Variants in B4GALNT3 observed in about 807,000 individuals in gnomAD.
The protein encoded by B4GALNT3 is beta-1,4-N-acetylgalactosaminyltransferase 3.
Under a neutral mutation model 120.2 loss-of-function variants are expected in B4GALNT3, and 86 were observed. The ratio of observed to expected loss-of-function variants is 0.72; its 90% CI spans 0.60 to 0.86. The LOEUF (loss-of-function observed/expected upper bound fraction) is 0.86. Among genes scored for constraint, B4GALNT3 ranks in the 40% least tolerant of loss-of-function variants. B4GALNT3 has a pLI of 0.00. For missense variants in B4GALNT3, 1,167 were observed against 1,298.9 expected (o/e 0.90, Z 1.56); for synonymous variants, 518 against 510.4 (o/e 1.01, Z -0.20).
At position 561,379 on chromosome 12, in the gene B4GALNT3, C is replaced by T. The variant is rs1488137283; in HGVS notation, c.2925C>T (p.Ser975=). The change falls in exon 20 of 20, where the codon TCC becomes TCT. Residue 975 remains serine, a synonymous_variant. Coordinates refer to ENST00000266383, the MANE Select transcript of B4GALNT3 (RefSeq NM_173593.4). ...LQAGLDVERL[S]LRNFFHHFHS... ...CGGGCCTGGACGTGGAGCGTCTCTC[C>T]CTCAGGAATTTCTTCCATCATTTCC... 3.7e-6 allele frequency: 6 copies of T among 1,613,986 alleles called. No individual in the cohort carries two copies. Among genetic ancestry groups the T allele is most frequent in the South Asian group, 1.1e-5 (1 of 91,086 alleles).
chr12:522,276 A>G (rs766048838), intron 1 of B4GALNT3, among the ~76,000 whole-genome samples: 1 of 152,268 alleles, frequency 6.6e-6, no homozygotes, highest in Non-Finnish European at 1.5e-5. Context: ...TGTCTAAGAC[A>G]GACGAATGGA....
intron 1 of B4GALNT3, among the ~76,000 whole-genome samples, chr12:510,978 C>T (rs576648070): frequency 1.4e-5 from 2 of 146,860 alleles, no homozygotes; most frequent in Non-Finnish European, 3.0e-5. Context: ...ACTGGAACCA[C>T]GACTCTCCTT....
intron 1 of B4GALNT3, among the ~76,000 whole-genome samples, chr12:503,676 T>C (rs904217456): frequency 2.0e-5 from 3 of 152,184 alleles, no homozygotes; most frequent in Non-Finnish European, 2.9e-5. Flanking sequence ...ACCATACAGA[T>C]AAGCTCGTGA....
At chr12:545,027 A>G in intron 5 of B4GALNT3, 55 bp downstream of exon 5, 1 of 1,590,798 alleles carries the variant, frequency 6.3e-7, no homozygotes, top group Admixed American at 1.7e-5. Flanking sequence ...TCTGCATCGG[A>G]CCCAAAGAAC....
At chr12:535,736 A>G (rs984025231) in intron 2 of B4GALNT3, among the ~76,000 whole-genome samples, 2 of 152,014 alleles carry the variant, frequency 1.3e-5, no homozygotes, top group African/African-American at 4.8e-5. Flanking sequence ...TCTTGAACCA[A>G]TGGTCCCTAA....
intron 1 of B4GALNT3, among the ~76,000 whole-genome samples, chr12:467,933 T>C (rs1487211543): frequency 1.3e-5 from 2 of 152,232 alleles, no homozygotes; most frequent in African/African-American, 4.8e-5. Context: ...ATTTCTCTCG[T>C]CGTGTTGGTT....
chr12:559,088 C>T (rs895230371), intron 18 of B4GALNT3, among the ~76,000 whole-genome samples: 1 of 152,066 alleles, frequency 6.6e-6, no homozygotes, highest in Non-Finnish European at 1.5e-5. Flanking sequence ...TGGGCACAGC[C>T]TGGTAGCACT....
intron 1 of B4GALNT3, among the ~76,000 whole-genome samples, chr12:526,299 G>A (rs1340808117): frequency 2.0e-5 from 3 of 152,144 alleles, no homozygotes; most frequent in East Asian, 3.8e-4. Context: ...CCTGCTGATC[G>A]CTTACTCCTG....
intron 1 of B4GALNT3, among the ~76,000 whole-genome samples, chr12:486,073 C>T (rs1946287881): frequency 6.6e-6 from 1 of 152,154 alleles, no homozygotes; most frequent in Admixed American, 6.5e-5. Flanking sequence ...CCAGGGGACT[C>T]AGTCCCAAGC....
intron 1 of B4GALNT3, among the ~76,000 whole-genome samples, chr12:484,052 A>G (rs893956467): frequency 6.6e-5 from 10 of 152,218 alleles, no homozygotes; most frequent in African/African-American, 1.7e-4. Flanking sequence ...TAATTTGAAT[A>G]TGAAAGCACT....
At chr12:544,089 G>A (rs1172269441) in intron 3 of B4GALNT3, among the ~76,000 whole-genome samples, 2 of 117,808 alleles carry the variant, frequency 1.7e-5, no homozygotes, top group African/African-American at 3.6e-5. Flanking sequence ...CGGGCATGGG[G>A]TGCTCATCTT....
chr12:483,668 A>C (rs895131830), intron 1 of B4GALNT3, among the ~76,000 whole-genome samples: 2 of 152,180 alleles, frequency 1.3e-5, no homozygotes, highest in Non-Finnish European at 2.9e-5. Flanking sequence ...ACTGCACTCC[A>C]GCCTGGGCAA....
At chr12:536,191 C>T in intron 2 of B4GALNT3, 27 bp from the exon 3 acceptor site, 1 of 1,591,504 alleles carries the variant, frequency 6.3e-7, no homozygotes, top group Non-Finnish European at 8.6e-7. Flanking sequence ...ATATTCCTAC[C>T]AACTTCGTTC....
chr12:536,319 G>A (rs778055901), intron 3 of B4GALNT3, 24 bp downstream of exon 3: 4 of 1,573,560 alleles, frequency 2.5e-6, no homozygotes, highest in Non-Finnish European at 3.5e-6. Context: ...TATTGTACCT[G>A]CCCTTTGAGA....
chr12:471,124 C>T (rs1946131731), intron 1 of B4GALNT3, among the ~76,000 whole-genome samples: 1 of 151,498 alleles, frequency 6.6e-6, no homozygotes, highest in African/African-American at 2.4e-5. Flanking sequence ...CGCGGTGGCT[C>T]ACACCTGTAA....
At chr12:560,877 G>C (rs1947221951) in intron 19 of B4GALNT3, among the ~76,000 whole-genome samples, 1 of 152,216 alleles carries the variant, frequency 6.6e-6, no homozygotes, top group Non-Finnish European at 1.5e-5. Context: ...GGCCTGGGGA[G>C]GGCCTAGGCG....
chr12:479,944 C>G (rs56069652), intron 1 of B4GALNT3, among the ~76,000 whole-genome samples: 10,986 of 126,796 alleles, frequency 0.087, 889 homozygotes, highest in African/African-American at 0.23. Context: ...GATGGAGTCT[C>G]GCTCTGTCGC....
intron 1 of B4GALNT3, among the ~76,000 whole-genome samples, chr12:486,883 G>A (rs1488596147): frequency 6.6e-6 from 1 of 150,798 alleles, no homozygotes; most frequent in Non-Finnish European, 1.5e-5. Context: ...AAGTGTTAGA[G>A]AGGCCAGACA....
intron 7 of B4GALNT3, 67 bp downstream of exon 7, chr12:546,780 G>C: frequency 6.9e-7 from 1 of 1,458,298 alleles, no homozygotes; most frequent in Middle Eastern, 2.2e-4. Flanking sequence ...CTGCGCCCCT[G>C]TCCGCCAGCC....
Sources: gnomAD v4.1 joint callset for allele counts (sites outside exome capture counted in the v4.1 genomes callset) on GRCh38, gnomAD v4.1.1 for gene constraint, MANE v1.5 for transcripts, NCBI Gene and HGNC (gene_info 2026-07-23, HGNC 2026-07-21) for gene names.